AGMO: variants seen among roughly 807,000 people sequenced by gnomAD.
The protein encoded by AGMO is alkylglycerol monooxygenase, also known as glyceryl-ether monooxygenase.
AGMO carries 75 observed loss-of-function variants against 60.2 expected under a neutral mutation model. The observed-to-expected ratio is 1.25, with a 90% CI of 1.03 to 1.51. The LOEUF (loss-of-function observed/expected upper bound fraction) is 1.51. Ranked by LOEUF, AGMO falls within the 40% of genes most tolerant of loss-of-function variation. The probability of loss-of-function intolerance (pLI) is 0.00; values close to 1 mark genes in which losing one functional copy is unlikely to be tolerated. For synonymous variants in AGMO, 261 were observed against 177.1 expected (o/e 1.47, Z -3.76); for missense variants, 763 against 525.5 (o/e 1.45, Z -4.42).
At chr7:15,530,640 CTATATATATATTCTATATACGTATTTCTA>C (rs1784286120) in intron 3 of AGMO, among the ~76,000 whole-genome samples, 1 of 131,850 alleles carries the variant, frequency 7.6e-6, no homozygotes, top group Admixed American at 8.3e-5. Context: ...ATACGTATTT[CTATATATATATTCTATATACGTATTTCTA>C]TATATATATT....
chr7:15,406,389 T>C (rs1477386552), intron 5 of AGMO, among the ~76,000 whole-genome samples: 1 of 142,134 alleles, frequency 7.0e-6, no homozygotes. Flanking sequence ...AATATACATA[T>C]ATATGTATTC....
At chr7:15,406,621 G>T (rs867282495) in intron 5 of AGMO, among the ~76,000 whole-genome samples, 1 of 53,230 alleles carries the variant, frequency 1.9e-5, no homozygotes, top group Non-Finnish European at 3.5e-5. Context: ...ATGTACACAT[G>T]TGTGTATATA....
At chr7:15,458,470 A>G (rs1187728071) in intron 3 of AGMO, among the ~76,000 whole-genome samples, 2 of 152,186 alleles carry the variant, frequency 1.3e-5, no homozygotes, top group African/African-American at 4.8e-5. Context: ...TTTTATTGGC[A>G]GATATCATAG....
intron 4 of AGMO, among the ~76,000 whole-genome samples, chr7:15,430,550 G>A (rs1458505771): frequency 2.1e-5 from 3 of 145,124 alleles, no homozygotes; most frequent in Non-Finnish European, 4.5e-5. Flanking sequence ...GATCTATTAT[G>A]ATAACAAAAA....
At chr7:15,290,402 G>A (rs985748845) in intron 12 of AGMO, among the ~76,000 whole-genome samples, 1 of 152,104 alleles carries the variant, frequency 6.6e-6, no homozygotes, top group Non-Finnish European at 1.5e-5. Flanking sequence ...AATTTTCTAG[G>A]ATATATTGTT....
the AGMO span, among the ~76,000 whole-genome samples, chr7:15,136,490 C>T: frequency 1.6e-5 from 2 of 125,918 alleles, no homozygotes; most frequent in African/African-American, 2.7e-5. Flanking sequence ...ACTCTAACAT[C>T]TGTATTTTTT....
chr7:15,284,640 C>T (rs760043668), intron 12 of AGMO, among the ~76,000 whole-genome samples: 4 of 151,826 alleles, frequency 2.6e-5, no homozygotes, highest in African/African-American at 9.7e-5. Context: ...TTCCACCAGA[C>T]AGTCAAAGAA....
intron 12 of AGMO, among the ~76,000 whole-genome samples, chr7:15,324,850 G>C (rs750135205): frequency 1.3e-5 from 2 of 152,094 alleles, no homozygotes; most frequent in Non-Finnish European, 2.9e-5. Context: ...GCAGAGCCCA[G>C]GCAGTAATGC....
intron 3 of AGMO, among the ~76,000 whole-genome samples, chr7:15,473,478 AC>A (rs2128513802): frequency 6.6e-6 from 1 of 152,012 alleles, no homozygotes; most frequent in South Asian, 2.1e-4. Flanking sequence ...TCCCTGCTGA[AC>A]ATCAATGTGA....
rs1784049329 is a variant in AGMO at position 15,389,361 on chromosome 7, C to T, written c.822+1310G>A. ...CAACTCCTATATGAAGAAAAGGGAG[C>T]TTTCAGTGTACCATTTCTCAATTGG... On this transcript the variant is annotated intron_variant, in intron 8 of 12. Transcript: ENST00000342526. Among the ~76,000 whole-genome samples, 3 of 152,094 alleles carry T rather than the reference C, an allele frequency of 2.0e-5. No homozygotes were observed. The South Asian group carries it at 6.2e-4, about 32-fold the overall frequency.
chr7:15,182,803 A>G, the AGMO span, among the ~76,000 whole-genome samples: 1 of 152,268 alleles, frequency 6.6e-6, no homozygotes, highest in African/African-American at 2.4e-5. Flanking sequence ...AACAGGTTTA[A>G]TTGGTTCATG....
chr7:15,279,557 G>A (rs1783903546), intron 12 of AGMO, among the ~76,000 whole-genome samples: 1 of 152,040 alleles, frequency 6.6e-6, no homozygotes, highest in African/African-American at 2.4e-5. Flanking sequence ...TGGAGGCAAT[G>A]TTAACATGCC....
At chr7:15,166,915 C>A in the AGMO span, among the ~76,000 whole-genome samples, 1 of 152,024 alleles carries the variant, frequency 6.6e-6, no homozygotes, top group Non-Finnish European at 1.5e-5. Flanking sequence ...TCAGGTTGCT[C>A]AGTTTGAGAA....
intron 3 of AGMO, among the ~76,000 whole-genome samples, chr7:15,510,996 C>T (rs976623715): frequency 6.6e-5 from 10 of 151,310 alleles, no homozygotes; most frequent in African/African-American, 9.7e-5. Flanking sequence ...CATCACCAAA[C>T]TTCTAAAAAA....
At chr7:15,177,842 A>C in the AGMO span, among the ~76,000 whole-genome samples, 2 of 152,150 alleles carry the variant, frequency 1.3e-5, no homozygotes, top group Non-Finnish European at 1.5e-5. Flanking sequence ...GGGGATTGTT[A>C]AAAGTAAAAA....
the AGMO span, among the ~76,000 whole-genome samples, chr7:15,155,419 C>CTT: frequency 5.6e-4 from 36 of 63,924 alleles, 3 homozygotes; most frequent in African/African-American, 7.7e-4. Flanking sequence ...TACAGAATTT[C>CTT]TTTTTTTTTT....
chr7:15,394,781 C>T (rs1014502375), intron 5 of AGMO, among the ~76,000 whole-genome samples: 2 of 152,144 alleles, frequency 1.3e-5, no homozygotes, highest in African/African-American at 4.8e-5. Context: ...TTAGGGTGAT[C>T]CTACTTATTC....
chr7:15,376,717 T>C (rs1038494185), intron 10 of AGMO, among the ~76,000 whole-genome samples: 4 of 152,106 alleles, frequency 2.6e-5, no homozygotes, highest in African/African-American at 9.7e-5. Context: ...CAATACATAT[T>C]ATACATATTT....
At position 15,553,248 on chromosome 7, in the gene AGMO, C is replaced by G. The variant is rs1415611272; in HGVS notation, c.257+6893G>C. ...ATGACGAGTTAGTGGGTGCAGCGCACCAGCATGGCACATGTATACATATGT... is the reference window on the plus strand; with the variant it reads ...ATGACGAGTTAGTGGGTGCAGCGCAGCAGCATGGCACATGTATACATATGT... On this transcript the variant is annotated intron_variant, in intron 2 of 12. Coordinates refer to ENST00000342526, the MANE Select transcript of AGMO (RefSeq NM_001004320.2). Among the ~76,000 whole-genome samples the G allele has an allele frequency of 2.0e-5, 3 of 150,498 alleles. No individual in the cohort carries two copies. The South Asian group carries it at 6.3e-4, about 31-fold the overall frequency.
Sources: gnomAD v4.1 joint callset for allele counts (sites outside exome capture counted in the v4.1 genomes callset) on GRCh38, gnomAD v4.1.1 for gene constraint, MANE v1.5 for transcripts, NCBI Gene and HGNC (gene_info 2026-07-23, HGNC 2026-07-21) for gene names.